The following PABIR3 variants were observed in gnomAD, a reference collection of about 807,000 sequenced individuals.
PABIR3 encodes PABIR family member 1.
A neutral mutation model predicts 23.1 loss-of-function variants in PABIR3; 20 were observed. That is an observed-to-expected ratio of 0.86 (90% CI 0.61 to 1.26). The LOEUF (loss-of-function observed/expected upper bound fraction) is 1.26, where lower values mean the gene tolerates loss of function less well. PABIR3 is among the 50% of genes most tolerant of loss of function. The pLI is 0.00. For missense variants in PABIR3, 189 were observed against 195.4 expected (o/e 0.97, Z 0.20); for synonymous variants, 69 against 68.5 (o/e 1.01, Z -0.04).
At chrX:134,833,772 G>C in intron 4 of PABIR3, among the ~76,000 whole-genome samples, 1 of 110,961 alleles carries the variant, frequency 9.0e-6, no homozygotes, top group Middle Eastern at 4.6e-3. Context: ...GCATTGTTTG[G>C]TTTTCCGTTC....
intron 2 of PABIR3, among the ~76,000 whole-genome samples, chrX:134,811,592 G>A (rs1284452315): frequency 1.8e-5 from 2 of 110,176 alleles, no homozygotes; most frequent in Non-Finnish European, 3.8e-5. Flanking sequence ...TCACTATGTT[G>A]GCCAGGCTAA....
At chrX:134,797,900 C>T (rs1245973077) in intron 1 of PABIR3, among the ~76,000 whole-genome samples, 2 of 108,907 alleles carry the variant, frequency 1.8e-5, no homozygotes, top group Admixed American at 2.0e-4. Flanking sequence ...GCAACCTCTG[C>T]CCCACCCCGC....
chrX:134,821,810 G>A (rs1219496284), intron 3 of PABIR3: 1 of 869,611 alleles, frequency 1.1e-6, no homozygotes, highest in African/African-American at 2.1e-5. Flanking sequence ...TCTGAAACTA[G>A]GCAGAGACAT....
chrX:134,845,980 G>T (rs1245978699), intron 6 of PABIR3, among the ~76,000 whole-genome samples: 1 of 111,850 alleles, frequency 8.9e-6, no homozygotes, highest in African/African-American at 3.2e-5. Flanking sequence ...ATGCCTGTGT[G>T]TTAGTCCGTT....
At chrX:134,838,623 A>C (rs2082053905) in intron 4 of PABIR3, 1 of 75,640 alleles carries the variant, frequency 1.3e-5, no homozygotes, top group Non-Finnish European at 2.4e-5. Context: ...TTTTTAAAAA[A>C]CATCATTTTC....
At chrX:134,821,120 A>T (rs2081264223) in intron 3 of PABIR3, among the ~76,000 whole-genome samples, 1 of 102,164 alleles carries the variant, frequency 9.8e-6, no homozygotes, top group South Asian at 4.4e-4. Context: ...GTGTGTGTGT[A>T]TACATACGTA....
chrX:134,843,254 C>G (rs1163622602), intron 4 of PABIR3, among the ~76,000 whole-genome samples: 1 of 108,764 alleles, frequency 9.2e-6, no homozygotes, highest in African/African-American at 3.3e-5. Context: ...TGTTTTTTTT[C>G]TCTTGTTGCC....
chrX:134,810,722 T>A, intron 2 of PABIR3: 4 of 753,897 alleles, frequency 5.3e-6, no homozygotes, highest in Non-Finnish European at 6.3e-6. Flanking sequence ...CTTGGCCCTC[T>A]AATACTTGAG....
chrX:134,852,118 TA>T (rs1362274272), intron 9 of PABIR3, among the ~76,000 whole-genome samples: 1 of 112,262 alleles, frequency 8.9e-6, no homozygotes, highest in Non-Finnish European at 1.9e-5. Context: ...AGCAACAACC[TA>T]AAGTTTTAAA....
intron 3 of PABIR3, among the ~76,000 whole-genome samples, chrX:134,823,734 A>G (rs910744601): frequency 3.6e-5 from 4 of 111,247 alleles, no homozygotes; most frequent in Admixed American, 2.9e-4. Flanking sequence ...AAAGGGAAAC[A>G]CTGAGGAAGA....
rs755395352 is a variant in PABIR3, at chrX:134,809,946, A to C, written c.110+2238A>C. ...TACCTTTTTAAAATAGGCAGGTAGA[A>C]AAACATAGAAGGGGGACTCTGCATG... On this transcript the variant is annotated intron_variant, in intron 2 of 10. Transcript: ENST00000645433. 5 of 753,144 alleles carry C rather than the reference A, an allele frequency of 6.6e-6. No homozygotes were observed. The East Asian group carries it at 7.6e-4, about 114-fold the overall frequency. The allele number at this position is 753,144 out of a possible 1,213,427, so 62.1% of individuals were successfully genotyped here.
chrX:134,810,373 TA>T (rs763828589), intron 2 of PABIR3: 19 of 752,752 alleles, frequency 2.5e-5, no homozygotes, highest in Middle Eastern at 7.6e-4. Context: ...ATGCATGAAG[TA>T]AAATTTGTAC....
chrX:134,814,838 CGACGCTCTCTGGTAAGGAAAT>C lies in PABIR3; in HGVS notation c.180_189+11del. On this transcript the variant is annotated splice_donor_variant and splice_donor_5th_base_variant and coding_sequence_variant and intron_variant, in exon 3 of 11. Coordinates refer to ENST00000645433, the MANE Select transcript of PABIR3 (RefSeq NM_001388447.1). LOFTEE classifies it high-confidence loss of function. Reference sequence around the variant, plus strand: ...GACAAACAGAACAACATTTAGGAATCGACGCTCTCTGGTAAGGAAATGCTTATAGTGGCCTCCCTGTCTAAG... The same window carrying C: ...GACAAACAGAACAACATTTAGGAATCGCTTATAGTGGCCTCCCTGTCTAAG... 8.4e-7 allele frequency: 1 copy of C among 1,193,129 alleles called. No homozygotes were observed. Among genetic ancestry groups the C allele is most frequent in the Non-Finnish European group, 1.1e-6 (1 of 883,608 alleles).
chrX:134,821,958 T>C (rs2148208168), intron 3 of PABIR3: 1 of 759,962 alleles, frequency 1.3e-6, no homozygotes, highest in Non-Finnish European at 1.6e-6. Flanking sequence ...GTCTTTACAA[T>C]ATGAATTTTC....
intron 9 of PABIR3, among the ~76,000 whole-genome samples, chrX:134,852,357 C>A (rs1349982631): frequency 9.0e-6 from 1 of 110,794 alleles, no homozygotes; most frequent in Admixed American, 9.7e-5. Flanking sequence ...CACCTGTAAT[C>A]CCAGCTACTC....
intron 9 of PABIR3, among the ~76,000 whole-genome samples, chrX:134,850,577 G>A (rs767605906): frequency 8.9e-6 from 1 of 112,018 alleles, no homozygotes; most frequent in South Asian, 3.7e-4. Context: ...AGGGTCAATT[G>A]AGTATTTAAA....
At chrX:134,819,771 G>C (rs1357125475) in intron 3 of PABIR3, among the ~76,000 whole-genome samples, 1 of 110,909 alleles carries the variant, frequency 9.0e-6, no homozygotes, top group Non-Finnish European at 1.9e-5. Context: ...TGTAATCCCA[G>C]CTACTCAGGA....
chrX:134,847,887 G>A lies in PABIR3; in HGVS notation c.443G>A (p.Cys148Tyr). Reference sequence around the variant, plus strand: ...TCTGTTCCAATTTGATTTTAGCAGTGTTTCTCTCCATCATTACAAACTTGT... The same window carrying A: ...TCTGTTCCAATTTGATTTTAGCAGTATTTCTCTCCATCATTACAAACTTGT... ...ASSIKKTGKQ[C>Y]FSPSLQTCVS... is the part of the protein sequence containing the mutation. Residue 148 changes from cysteine to tyrosine, a missense_variant, in exon 8 of 11, where the codon TGT (cysteine) becomes TAT (tyrosine). Coordinates refer to ENST00000645433, the MANE Select transcript of PABIR3 (RefSeq NM_001388447.1). The A allele has an allele frequency of 8.7e-7, 1 of 1,154,050 alleles. No individual in the cohort carries two copies. Among genetic ancestry groups the A allele is most frequent in the South Asian group, 1.9e-5 (1 of 52,630 alleles).
At chrX:134,815,826 G>A (rs1191120939) in intron 3 of PABIR3, among the ~76,000 whole-genome samples, 1 of 109,879 alleles carries the variant, frequency 9.1e-6, no homozygotes, top group Non-Finnish European at 1.9e-5. Flanking sequence ...CTACAGGCGT[G>A]CACCACCATG....
Sources: allele counts gnomAD v4.1 joint callset (sites outside exome capture counted in the v4.1 genomes callset), GRCh38; gene constraint gnomAD v4.1.1; transcripts MANE v1.5; gene names NCBI Gene and HGNC (gene_info 2026-07-23, HGNC 2026-07-21).